IL5RA: variants seen among roughly 807,000 people sequenced by gnomAD.
The protein encoded by IL5RA is interleukin-5 receptor subunit alpha.
A neutral mutation model predicts 50.0 loss-of-function variants in IL5RA; 49 were observed. The ratio of observed to expected loss-of-function variants is 0.98; its 90% CI spans 0.78 to 1.24. IL5RA has a LOEUF of 1.24. IL5RA is among the 50% of genes most tolerant of loss of function. The pLI, the probability that IL5RA is intolerant of heterozygous loss-of-function variation, is 0.00. For synonymous variants in IL5RA, 202 were observed against 174.0 expected (o/e 1.16, Z -1.26); for missense variants, 600 against 500.4 (o/e 1.20, Z -1.90).
At chr3:3,101,931 G>C in intron 4 of IL5RA, 101 bp from the exon 5 acceptor site, 4 of 1,036,912 alleles carry the variant, frequency 3.9e-6, no homozygotes, top group Non-Finnish European at 5.5e-6. Context: ...TAAATGATTA[G>C]TAAGATGCAA....
intron 9 of IL5RA, among the ~76,000 whole-genome samples, chr3:3,089,327 C>A (rs1366090119): frequency 6.6e-6 from 1 of 152,160 alleles, no homozygotes; most frequent in Non-Finnish European, 1.5e-5. Flanking sequence ...CACGACCAGC[C>A]CCCTGGCAGA....
At chr3:3,093,888 TC>T (rs1361951145) in intron 8 of IL5RA, among the ~76,000 whole-genome samples, 1 of 152,244 alleles carries the variant, frequency 6.6e-6, no homozygotes, top group Non-Finnish European at 1.5e-5. Context: ...TAAGTTGGAA[TC>T]CTATTTTTTT....
intron 9 of IL5RA, among the ~76,000 whole-genome samples, chr3:3,087,373 TA>T: frequency 6.6e-6 from 1 of 152,286 alleles, no homozygotes; most frequent in East Asian, 1.9e-4. Context: ...CCAGGGACCT[TA>T]CCAACAGAGC....
Position 3,070,175 on chromosome 3 carries a change from C to A in IL5RA, c.*50G>T. On this transcript the variant is annotated 3_prime_UTR_variant, in exon 12 of 12. Coordinates refer to ENST00000446632, the MANE Select transcript of IL5RA (RefSeq NM_175726.4). ...AGAGCCAGCATCCCTGTTCTTTTCA[C>A]TGAGGCACTGAGGCATGTGTGAGTT... is the stretch of plus-strand genomic sequence containing the variant. 6 of 1,185,808 alleles carry A rather than the reference C, an allele frequency of 5.1e-6. No individual in the cohort carries two copies. The highest frequency in any genetic ancestry group is 1.3e-5 in the South Asian group (1 of 78,222). 73.5% of individuals were successfully genotyped at this position (1,185,808 alleles called of 1,614,324 possible).
At chr3:3,086,105 G>A (rs1291659562) in intron 9 of IL5RA, among the ~76,000 whole-genome samples, 1 of 152,136 alleles carries the variant, frequency 6.6e-6, no homozygotes, top group East Asian at 1.9e-4. Flanking sequence ...TCTTTGAAGG[G>A]CAATTGCAGT....
chr3:3,105,399 A>G (rs1362039239), intron 2 of IL5RA: 2 of 154,160 alleles, frequency 1.3e-5, no homozygotes, highest in Non-Finnish European at 2.9e-5. Context: ...TTGCTTTTCG[A>G]CAAGAAACCA....
chr3:3,098,095 G>A (rs1703449340), intron 6 of IL5RA, 38 bp from the exon 7 acceptor site: 2 of 1,613,860 alleles, frequency 1.2e-6, no homozygotes. Flanking sequence ...GAGGTTGCAG[G>A]AAACAACCAT....
chr3:3,074,247 G>A (rs1702401279), intron 11 of IL5RA, among the ~76,000 whole-genome samples: 1 of 152,218 alleles, frequency 6.6e-6, no homozygotes, highest in African/African-American at 2.4e-5. Flanking sequence ...AGATATTCAT[G>A]TGGAAACATG....
intron 9 of IL5RA, among the ~76,000 whole-genome samples, chr3:3,086,193 G>T (rs1014549752): frequency 1.3e-5 from 2 of 152,128 alleles, no homozygotes; most frequent in African/African-American, 4.8e-5. Flanking sequence ...ATAAGTGCAG[G>T]GTAGACCCAC....
At chr3:3,091,210 C>CT (rs1559869870) in intron 9 of IL5RA, among the ~76,000 whole-genome samples, 1 of 152,058 alleles carries the variant, frequency 6.6e-6, no homozygotes, top group Non-Finnish European at 1.5e-5. Flanking sequence ...TTGGAATCTT[C>CT]TTTTTTTAAA....
rs1320268723 is a variant in IL5RA at position 3,092,120 on chromosome 3, T to C, written c.994+104A>G. ...GAGAGAAAATTAGTCACAATAGAGA[T>C]ATGAAACCATTTTAAGACCCACGAG... On this transcript the variant is annotated intron_variant, in intron 9 of 11. Coordinates refer to ENST00000446632, the MANE Select transcript of IL5RA (RefSeq NM_175726.4). The surrounding 1 kb of genome is among the most constrained non-coding windows in gnomAD (Gnocchi z 4.2). The C allele has an allele frequency of 3.3e-6, 5 of 1,512,008 alleles. No homozygotes were observed. The highest frequency in any genetic ancestry group is 4.4e-6 in the Non-Finnish European group (5 of 1,137,840). 93.7% of individuals were successfully genotyped at this position (1,512,008 alleles called of 1,614,324 possible). A position where few individuals can be genotyped will look rare whatever the true frequency, so the allele number is the denominator to read the frequency against.
At chr3:3,078,507 C>G (rs763918424) in intron 9 of IL5RA, among the ~76,000 whole-genome samples, 18 of 152,310 alleles carry the variant, frequency 1.2e-4, no homozygotes, top group Non-Finnish European at 2.2e-4. Flanking sequence ...CCACTGTCAT[C>G]AAATACCTTC....
chr3:3,094,815 C>T (rs1703278213), intron 8 of IL5RA, among the ~76,000 whole-genome samples: 1 of 152,068 alleles, frequency 6.6e-6, no homozygotes. Flanking sequence ...CTCCGCCTCC[C>T]TGGTTGAAGT....
At chr3:3,109,480 C>T (rs372443162) in intron 1 of IL5RA, among the ~76,000 whole-genome samples, 116 of 152,124 alleles carry the variant, frequency 7.6e-4, no homozygotes, top group African/African-American at 2.8e-3. Flanking sequence ...GAAATCTTGG[C>T]AGAATATATG....
rs1238404817 is a variant in IL5RA at position 3,069,732 on chromosome 3, C to G, written c.*493G>C. On this transcript the variant is annotated 3_prime_UTR_variant, in exon 12 of 12. Coordinates refer to ENST00000446632, the MANE Select transcript of IL5RA (RefSeq NM_175726.4). ...GTAGGGGGGTGAGGAATTTGTGGCT[C>G]TCACTTGCTATAGAAAAGACAGTCT... 6.5e-6 allele frequency: 1 copy of G among 153,880 alleles called. No individual in the cohort carries two copies. Among genetic ancestry groups the G allele is most frequent in the Non-Finnish European group, 1.4e-5 (1 of 69,278 alleles). The allele number at this position is 153,880 out of a possible 1,614,324, so 9.5% of individuals were successfully genotyped here. A position where few individuals can be genotyped will look rare whatever the true frequency, so the allele number is the denominator to read the frequency against.
Position 3,070,284 on chromosome 3 carries a change from C to T in IL5RA, c.1204G>A (p.Glu402Lys). 1 of 1,613,104 alleles carries T rather than the reference C, an allele frequency of 6.2e-7. No homozygotes were observed. The highest frequency in any genetic ancestry group is 8.5e-7 in the Non-Finnish European group (1 of 1,179,308). The change falls in exon 12 of 12, where the codon GAA becomes AAA. Residue 402 changes from glutamate to lysine, a missense_variant. Physicochemically the swap from Glu to Lys is moderately conservative, Grantham distance 56. Transcript: ENST00000446632. The stretch of plus-strand genomic sequence containing the variant: ...GGCTTCTCTATATAACAGATGACTT[C>T]AATTTCCGTCTCACTGGACCCAGCT... ...EKAGSSETEI[E>K]VICYIEKPGV... is the part of the protein sequence containing the mutation.
chr3:3,081,111 GC>G (rs1702649289), intron 9 of IL5RA, among the ~76,000 whole-genome samples: 1 of 152,130 alleles, frequency 6.6e-6, no homozygotes, highest in African/African-American at 2.4e-5. Flanking sequence ...CCTCAAAGTG[GC>G]AAAGCTTTTG....
At chr3:3,083,699 A>C (rs928780633) in intron 9 of IL5RA, among the ~76,000 whole-genome samples, 2 of 152,342 alleles carry the variant, frequency 1.3e-5, no homozygotes, top group Non-Finnish European at 2.9e-5. Context: ...AAGCAGATGA[A>C]AGCTGGCTGC....
At chr3:3,109,124 G>A (rs1246592827) in intron 1 of IL5RA, among the ~76,000 whole-genome samples, 6 of 151,790 alleles carry the variant, frequency 4.0e-5, no homozygotes, top group Middle Eastern at 3.2e-3. Flanking sequence ...AAATATTCTC[G>A]CTCTGTCTCT....
Sources: allele counts gnomAD v4.1 joint callset (sites outside exome capture counted in the v4.1 genomes callset), GRCh38; gene constraint gnomAD v4.1.1; non-coding constraint Gnocchi (gnomAD v3.1); transcripts MANE v1.5; gene names NCBI Gene and HGNC (gene_info 2026-07-23, HGNC 2026-07-21).